The following PTPRN2 variants were observed in gnomAD, a reference collection of about 807,000 sequenced individuals.
The protein encoded by PTPRN2 is protein tyrosine phosphatase receptor type N2.
A neutral mutation model predicts 118.8 loss-of-function variants in PTPRN2; 74 were observed. That is an observed-to-expected ratio of 0.62 (90% CI 0.52 to 0.76). The LOEUF is 0.76. PTPRN2 is among the 30% of genes least tolerant of loss of function. The pLI is 0.00. For synonymous variants in PTPRN2, 641 were observed against 608.0 expected, an observed-to-expected ratio of 1.05 and a Z score of -0.80; for missense variants, 1,481 against 1,394.4, an observed-to-expected ratio of 1.06 and a Z score of -0.99.
At chr7:158,108,376 T>G (rs1815865327) in intron 10 of PTPRN2, among the ~76,000 whole-genome samples, 1 of 152,116 alleles carries the variant, frequency 6.6e-6, no homozygotes, top group South Asian at 2.1e-4. Flanking sequence ...TCAGACCATC[T>G]CACTGTGTTC....
intron 3 of PTPRN2, among the ~76,000 whole-genome samples, chr7:158,248,248 A>G (rs1238029122): frequency 1.3e-5 from 2 of 152,128 alleles, no homozygotes; most frequent in East Asian, 3.9e-4. Flanking sequence ...ATGTCAGAGG[A>G]GAAAAGCCTT....
chr7:158,070,760 TG>T (rs1811272048), intron 11 of PTPRN2, among the ~76,000 whole-genome samples: 1 of 99,888 alleles, frequency 1.0e-5, no homozygotes. Flanking sequence ...CCCGTGGTGG[TG>T]GAGGTGCTCA....
intron 13 of PTPRN2, among the ~76,000 whole-genome samples, chr7:157,670,797 A>T (rs1796371745): frequency 6.6e-6 from 1 of 152,256 alleles, no homozygotes; most frequent in Non-Finnish European, 1.5e-5. Flanking sequence ...CCACAGGCTG[A>T]ACCTTGCTTT....
At chr7:158,316,608 G>A (rs1296640706) in intron 3 of PTPRN2, among the ~76,000 whole-genome samples, 1 of 152,092 alleles carries the variant, frequency 6.6e-6, no homozygotes. Flanking sequence ...TCAGACACAG[G>A]AGGCAGCAGG....
At chr7:157,612,549 A>T (rs1224231914) in intron 15 of PTPRN2, among the ~76,000 whole-genome samples, 2 of 152,166 alleles carry the variant, frequency 1.3e-5, no homozygotes, top group Non-Finnish European at 2.9e-5. Flanking sequence ...CCTGAGATTA[A>T]CGCCCGTTTT....
chr7:157,578,609 A>C (rs1167388225), intron 17 of PTPRN2, among the ~76,000 whole-genome samples: 2 of 152,260 alleles, frequency 1.3e-5, no homozygotes, highest in Non-Finnish European at 2.9e-5. Flanking sequence ...CACGGAAAGC[A>C]GTACTGCACT....
chr7:158,429,838 A>G (rs979461301), intron 2 of PTPRN2, among the ~76,000 whole-genome samples: 7 of 152,226 alleles, frequency 4.6e-5, no homozygotes, highest in Non-Finnish European at 8.8e-5. Flanking sequence ...AAATCTCCAA[A>G]CAAAAGTGAT....
chr7:158,330,972 C>T (rs1804276298), intron 2 of PTPRN2, among the ~76,000 whole-genome samples: 1 of 127,320 alleles, frequency 7.9e-6, no homozygotes, highest in Non-Finnish European at 1.6e-5. Flanking sequence ...ACGACACTCA[C>T]ACCCACACTC....
intron 10 of PTPRN2, among the ~76,000 whole-genome samples, chr7:158,105,352 T>C (rs150928371): frequency 0.014 from 2,107 of 149,858 alleles, 28 homozygotes; most frequent in Non-Finnish European, 0.023. Flanking sequence ...TTCACTGAAC[T>C]GCATCCGAGC....
intron 2 of PTPRN2, among the ~76,000 whole-genome samples, chr7:158,359,581 T>C (rs992501520): frequency 2.0e-5 from 3 of 152,118 alleles, no homozygotes; most frequent in Admixed American, 1.3e-4. Context: ...CTCTAGGTTG[T>C]TTTTTCAAAG....
chr7:157,816,612 C>T (rs1333500460), intron 12 of PTPRN2, among the ~76,000 whole-genome samples: 1 of 152,234 alleles, frequency 6.6e-6, no homozygotes, highest in African/African-American at 2.4e-5. Context: ...CCAGGAGGGG[C>T]CCGGGGGCAG....
intron 10 of PTPRN2, among the ~76,000 whole-genome samples, chr7:158,097,239 G>C (rs537042892): frequency 2.6e-5 from 4 of 152,104 alleles, no homozygotes; most frequent in Non-Finnish European, 5.9e-5. Context: ...GCAGGCACTG[G>C]GGAAGGAGGT....
At chr7:158,160,654 G>T (rs1269873199) in intron 6 of PTPRN2, among the ~76,000 whole-genome samples, 1 of 152,170 alleles carries the variant, frequency 6.6e-6, no homozygotes, top group Non-Finnish European at 1.5e-5. Context: ...AAAAGCCTTA[G>T]GTTGTTCATC....
chr7:158,583,848 A>G (rs1385417003), intron 1 of PTPRN2, among the ~76,000 whole-genome samples: 2 of 152,220 alleles, frequency 1.3e-5, no homozygotes, highest in African/African-American at 4.8e-5. Flanking sequence ...GGGAAGGGAC[A>G]GGTTGCTCAT....
At chr7:158,215,779 T>C (rs1827910860) in intron 3 of PTPRN2, among the ~76,000 whole-genome samples, 1 of 152,144 alleles carries the variant, frequency 6.6e-6, no homozygotes, top group Non-Finnish European at 1.5e-5. Flanking sequence ...AGATACCCAG[T>C]GAAGTTATCC....
intron 12 of PTPRN2, among the ~76,000 whole-genome samples, chr7:157,710,037 G>A (rs1356776957): frequency 1.3e-5 from 2 of 152,122 alleles, no homozygotes; most frequent in Admixed American, 6.5e-5. Context: ...TGTGGGGGTC[G>A]GACGCATGGG....
At chr7:157,746,566 G>A (rs73165818) in intron 12 of PTPRN2, among the ~76,000 whole-genome samples, 6,319 of 149,312 alleles carry the variant, frequency 0.042, 174 homozygotes, top group Non-Finnish European at 0.049. Flanking sequence ...CAGTCCTCAC[G>A]GGGCCAAGGG....
At position 157,974,332 on chromosome 7, in the gene PTPRN2, C is replaced by G. The variant is rs1233389553; in HGVS notation, c.1724-75595G>C. Among the ~76,000 whole-genome samples the G allele has an allele frequency of 6.6e-6, 1 of 152,216 alleles. No homozygotes were observed. Among genetic ancestry groups the G allele is most frequent in the East Asian group, 1.9e-4 (1 of 5,194 alleles). ...GCCCACAAGGTCTTCCACGGGGCTC[C>G]TCCCCAGCTCACGGGGAAATCCCCT... On this transcript the variant is annotated intron_variant, in intron 11 of 22. Transcript: ENST00000389418. This position sits in a 1 kb window ranked among gnomAD's most constrained non-coding sequence, Gnocchi z 4.0.
chr7:158,024,791 G>C (rs79076389), intron 11 of PTPRN2, among the ~76,000 whole-genome samples: 2,444 of 152,344 alleles, frequency 0.016, 68 homozygotes, highest in African/African-American at 0.055. Flanking sequence ...AGCAACTTCA[G>C]TTGTGCTCTC....
Sources: gnomAD v4.1 joint callset for allele counts (sites outside exome capture counted in the v4.1 genomes callset) on GRCh38, gnomAD v4.1.1 for gene constraint, Gnocchi (gnomAD v3.1) non-coding constraint, MANE v1.5 for transcripts, NCBI Gene and HGNC (gene_info 2026-07-23, HGNC 2026-07-21) for gene names.